The following CHST11 variants were observed in gnomAD, a reference collection of about 807,000 sequenced individuals.
The protein encoded by CHST11 is carbohydrate sulfotransferase 11.
CHST11 carries 9 observed loss-of-function variants against 30.4 expected under a neutral mutation model. That is an observed-to-expected ratio of 0.30 (90% CI 0.18 to 0.52). CHST11 has a LOEUF of 0.52. Ranked by LOEUF, CHST11 falls within the 20% of genes least tolerant of loss-of-function variation. CHST11 has a pLI of 0.97. For synonymous variants in CHST11, 152 were observed against 187.8 expected, an observed-to-expected ratio of 0.81 and a Z score of 1.56; for missense variants, 348 against 460.6, an observed-to-expected ratio of 0.76 and a Z score of 2.24.
intron 1 of CHST11, among the ~76,000 whole-genome samples, chr12:104,510,887 G>A (rs1432630589): frequency 6.6e-6 from 1 of 151,992 alleles, no homozygotes; most frequent in Non-Finnish European, 1.5e-5. Context: ...GTACTTTGAG[G>A]AATGTACTCA....
At chr12:104,703,297 G>T (rs890790250) in intron 2 of CHST11, among the ~76,000 whole-genome samples, 12 of 152,192 alleles carry the variant, frequency 7.9e-5, no homozygotes, top group African/African-American at 2.7e-4. Context: ...GCTGCCTCCT[G>T]GCCATCTTTA....
intron 1 of CHST11, among the ~76,000 whole-genome samples, chr12:104,580,334 A>G (rs1565994922): frequency 1.3e-5 from 2 of 152,240 alleles, no homozygotes; most frequent in Admixed American, 6.5e-5. Flanking sequence ...CGTTCACTGT[A>G]TGCTCTGGCT....
In CHST11 at chr12:104,638,312, A is replaced by ATG. The variant is rs3039210; in HGVS notation, c.204+36340_204+36341dup. 9.2e-3 allele frequency among the ~76,000 whole-genome samples: 1,387 copies of ATG among 151,066 alleles called. 8 individuals carry two copies. Among genetic ancestry groups the ATG allele is most frequent in the Non-Finnish European group, 0.011 (767 of 67,656 alleles). On this transcript the variant is annotated intron_variant, in intron 2 of 2. Transcript: ENST00000303694. ...TTTCATTTTGTATATGTGTGAACAGATGTGTGTGTGTGTGTGTGTGAAGTT... is the reference window on the plus strand; with the variant it reads ...TTTCATTTTGTATATGTGTGAACAGATGTGTGTGTGTGTGTGTGTGTGAAGTT...
At chr12:104,724,326 T>G (rs1272670707) in intron 2 of CHST11, among the ~76,000 whole-genome samples, 1 of 152,050 alleles carries the variant, frequency 6.6e-6, no homozygotes, top group African/African-American at 2.4e-5. Context: ...GGAGTTCATG[T>G]TTGATGGGTA....
chr12:104,529,926 G>A (rs1160197522), intron 1 of CHST11, among the ~76,000 whole-genome samples: 2 of 152,190 alleles, frequency 1.3e-5, no homozygotes, highest in African/African-American at 4.8e-5. Context: ...GGGAGGCTGA[G>A]GTGGGCGGAT....
intron 1 of CHST11, among the ~76,000 whole-genome samples, chr12:104,553,999 G>A (rs899010254): frequency 6.6e-6 from 1 of 152,146 alleles, no homozygotes; most frequent in Non-Finnish European, 1.5e-5. Context: ...TCACATGATT[G>A]CTGGCAGGAT....
chr12:104,513,138 T>TGGGGGGGGGGGGGGGGGGG (rs1565969843), intron 1 of CHST11, among the ~76,000 whole-genome samples: 2 of 3,334 alleles, frequency 6.0e-4, no homozygotes, highest in African/African-American at 1.4e-3. Flanking sequence ...GGGGGGGGGG[T>TGGGGGGGGGGGGGGGGGGG]TGGGGGTGGG....
chr12:104,633,412 C>CT (rs34686417), intron 2 of CHST11, among the ~76,000 whole-genome samples: 43,567 of 111,856 alleles, frequency 0.39, 10,859 homozygotes, highest in Non-Finnish European at 0.49. Flanking sequence ...CTCCCTCTGT[C>CT]TTTTTTTTTT....
chr12:104,488,666 T>C (rs892728090), intron 1 of CHST11, among the ~76,000 whole-genome samples: 2 of 151,298 alleles, frequency 1.3e-5, no homozygotes, highest in African/African-American at 4.9e-5. Context: ...TATGTGTGCG[T>C]GTATGTGTAT....
chr12:104,682,023 C>T (rs1364734631), intron 2 of CHST11, among the ~76,000 whole-genome samples: 6 of 151,780 alleles, frequency 4.0e-5, no homozygotes, highest in East Asian at 1.9e-4. Context: ...TTAGTAGAGA[C>T]GGGGTTTCAC....
intron 1 of CHST11, among the ~76,000 whole-genome samples, chr12:104,550,848 G>A (rs1283113984): frequency 1.3e-5 from 2 of 152,180 alleles, no homozygotes; most frequent in Non-Finnish European, 2.9e-5. Context: ...TATATACTAG[G>A]GTGGTGCAGG....
At chr12:104,632,268 C>T (rs1208183879) in intron 2 of CHST11, among the ~76,000 whole-genome samples, 1 of 151,848 alleles carries the variant, frequency 6.6e-6, no homozygotes, top group Non-Finnish European at 1.5e-5. Flanking sequence ...GAGCACAGCG[C>T]AAGCAGAGGT....
At chr12:104,506,914 A>G (rs1235389102) in intron 1 of CHST11, among the ~76,000 whole-genome samples, 1 of 152,202 alleles carries the variant, frequency 6.6e-6, no homozygotes, top group Non-Finnish European at 1.5e-5. Flanking sequence ...AGAGCCAGGC[A>G]TAAGCAATCT....
intron 2 of CHST11, among the ~76,000 whole-genome samples, chr12:104,726,108 A>G (rs890260680): frequency 2.6e-5 from 4 of 152,240 alleles, no homozygotes; most frequent in African/African-American, 9.7e-5. Flanking sequence ...GTCAGAGAAG[A>G]CAACAGAGAG....
intron 1 of CHST11, among the ~76,000 whole-genome samples, chr12:104,488,509 ATG>A (rs1209928510): frequency 6.9e-5 from 10 of 144,182 alleles, no homozygotes; most frequent in East Asian, 2.0e-4. Context: ...GTCCGTGTAT[ATG>A]TGTGTGTATC....
chr12:104,754,727 C>G (rs2040460967), intron 2 of CHST11, among the ~76,000 whole-genome samples: 1 of 152,126 alleles, frequency 6.6e-6, no homozygotes, highest in Non-Finnish European at 1.5e-5. Context: ...GCAACTCTTT[C>G]CAGATTTCCA....
chr12:104,655,000 C>T (rs1245725014), intron 2 of CHST11, among the ~76,000 whole-genome samples: 2 of 152,220 alleles, frequency 1.3e-5, no homozygotes, highest in Non-Finnish European at 2.9e-5. Context: ...TGTAGCTCTC[C>T]TTTCTCTCAT....
intron 1 of CHST11, among the ~76,000 whole-genome samples, chr12:104,509,553 A>T (rs1238695564): frequency 2.0e-5 from 3 of 152,178 alleles, no homozygotes; most frequent in Non-Finnish European, 4.4e-5. Context: ...CATATAATAG[A>T]TGCTCAATTT....
At chr12:104,565,945 C>T (rs139820194) in intron 1 of CHST11, among the ~76,000 whole-genome samples, 21 of 152,314 alleles carry the variant, frequency 1.4e-4, no homozygotes, top group East Asian at 7.7e-4. Flanking sequence ...GTGCTTACCA[C>T]GTTTCTTGGG....
Sources: allele counts gnomAD v4.1 joint callset (sites outside exome capture counted in the v4.1 genomes callset), GRCh38; gene constraint gnomAD v4.1.1; transcripts MANE v1.5; gene names NCBI Gene and HGNC (gene_info 2026-07-23, HGNC 2026-07-21).